Variants in WDR11 observed in about 807,000 individuals in gnomAD.
WDR11 encodes WD repeat-containing protein 11.
Under a neutral mutation model 151.2 loss-of-function variants are expected in WDR11, and 83 were observed. That is an observed-to-expected ratio of 0.55 (90% CI 0.46 to 0.66). WDR11 has a LOEUF of 0.66. Ranked by LOEUF, WDR11 falls within the 30% of genes least tolerant of loss-of-function variation. WDR11 has a pLI of 0.00. For synonymous variants in WDR11, 484 were observed against 533.1 expected, an observed-to-expected ratio of 0.91 and a Z score of 1.27; for missense variants, 1,301 against 1,480.9, an observed-to-expected ratio of 0.88 and a Z score of 1.99.
At chr10:120,871,407 AG>A (rs1846536243) in intron 10 of WDR11, 61 bp downstream of exon 10, 1 of 1,505,286 alleles carries the variant, frequency 6.6e-7, no homozygotes, top group Non-Finnish European at 9.2e-7. Flanking sequence ...TAGGTTTTCT[AG>A]TTTCTAGAAG....
At position 120,878,384 on chromosome 10, in the gene WDR11, C is replaced by G; in HGVS notation, c.1588C>G (p.Leu530Val). The G allele has an allele frequency of 1.9e-6, 3 of 1,612,992 alleles. No homozygotes were observed. Among genetic ancestry groups the G allele is most frequent in the Non-Finnish European group, 2.5e-6 (3 of 1,179,408 alleles). ...GIEWTSLTSF[L>V]SFATSTPNNM... The stretch of plus-strand genomic sequence containing the variant: ...TGAATGGACAAGTTTGACTAGTTTT[C>G]TTTCTTTTGCTACCTCAACACCAAA... The change falls in exon 12 of 29, where the codon CTT (leucine) becomes GTT (valine). Residue 530 changes from leucine (L) to valine (V), a missense_variant. Around this residue, in one of 3 missense-constraint regions of WDR11, gnomAD observed 692 missense variants for 762.5 expected, o/e 0.91. Transcript: ENST00000263461.
chr10:120,874,172 TGCA>T (rs1846648452), intron 11 of WDR11, among the ~76,000 whole-genome samples: 1 of 107,976 alleles, frequency 9.3e-6, no homozygotes, highest in Non-Finnish European at 1.9e-5. Context: ...TTGCGGTTTT[TGCA>T]GTTTTTTTTT....
In WDR11 at chr10:120,908,896, T is replaced by C. The variant is rs1037769864; in HGVS notation, c.*183T>C. The C allele has an allele frequency of 1.5e-6, 1 of 662,664 alleles. No homozygotes were observed. Among genetic ancestry groups the C allele is most frequent in the Non-Finnish European group, 2.6e-6 (1 of 377,986 alleles). 41.0% of individuals were successfully genotyped at this position (662,664 alleles called of 1,614,324 possible). On this transcript the variant is annotated 3_prime_UTR_variant, in exon 29 of 29. Transcript: ENST00000263461. ...CATCTATGTTGAGAGTAAGTTTGTATCCTGCGTTGGTCTCAGAAAGAACGT... is the reference window on the plus strand; with the variant it reads ...CATCTATGTTGAGAGTAAGTTTGTACCCTGCGTTGGTCTCAGAAAGAACGT...
At chr10:120,902,999 A>G (rs1009823736) in intron 22 of WDR11, 56 bp from the exon 23 acceptor site, 3 of 1,581,332 alleles carry the variant, frequency 1.9e-6, no homozygotes, top group East Asian at 4.5e-5. Flanking sequence ...TACTCTAGGA[A>G]GCCATCCAGG....
At chr10:120,899,138 A>C (rs1363751671) in intron 19 of WDR11, among the ~76,000 whole-genome samples, 1 of 152,130 alleles carries the variant, frequency 6.6e-6, no homozygotes, top group Admixed American at 6.5e-5. Context: ...ACATGTTGAC[A>C]ACTAGGCAAA....
rs766851006 is a variant in WDR11 at position 120,909,170 on chromosome 10, T to A, written c.*457T>A. 1.3e-4 allele frequency: 21 copies of A among 167,256 alleles called. No homozygotes were observed. Among genetic ancestry groups the A allele is most frequent in the Non-Finnish European group, 2.4e-4 (18 of 75,860 alleles). 10.4% of individuals were successfully genotyped at this position (167,256 alleles called of 1,614,324 possible). On this transcript the variant is annotated 3_prime_UTR_variant, in exon 29 of 29. Coordinates refer to ENST00000263461, the MANE Select transcript of WDR11 (RefSeq NM_018117.12). ...AGAGATACAAACAAGGCAGAAACAT[T>A]TAAACTAGTATTAAAGGTAGTTTAC...
Position 120,903,609 on chromosome 10 carries a change from T to TTTAA in WDR11, c.2931+378_2931+379insTAAT, listed in dbSNP as rs562854864. The stretch of plus-strand genomic sequence containing the variant: ...GAAAAGCTCATAGACAGTTACTGCG[T>TTTAA]TGTTTACTAAACATTAAAATTTTAT... On this transcript the variant is annotated intron_variant, in intron 23 of 28. Coordinates refer to ENST00000263461, the MANE Select transcript of WDR11 (RefSeq NM_018117.12). Among the ~76,000 whole-genome samples the TTTAA allele has an allele frequency of 3.3e-5, 5 of 152,296 alleles. No individual in the cohort carries two copies. The South Asian group carries it at 1.0e-3, about 32-fold the overall frequency.
At chr10:120,906,488 C>T in intron 27 of WDR11, 1 of 1,298,370 alleles carries the variant, frequency 7.7e-7, no homozygotes, top group Non-Finnish European at 9.8e-7. Flanking sequence ...GATTACTTGT[C>T]AACTCTGGAC....
intron 13 of WDR11, among the ~76,000 whole-genome samples, chr10:120,882,588 T>C (rs1486535708): frequency 1.3e-5 from 2 of 151,806 alleles, no homozygotes; most frequent in Non-Finnish European, 2.9e-5. Flanking sequence ...TTCTCTTTTT[T>C]TGAGCTTTGG....
intron 13 of WDR11, 28 bp from the exon 14 acceptor site, chr10:120,883,752 G>C (rs781292396): frequency 1.2e-6 from 2 of 1,607,392 alleles, no homozygotes; most frequent in Non-Finnish European, 1.7e-6. Flanking sequence ...GCAAAAAGGG[G>C]CTTATTTAGT....
intron 11 of WDR11, among the ~76,000 whole-genome samples, chr10:120,875,548 A>C (rs1287423884): frequency 6.6e-6 from 1 of 152,220 alleles, no homozygotes; most frequent in Non-Finnish European, 1.5e-5. Flanking sequence ...TCTGTCACCC[A>C]GGCTAGAGTG....
At chr10:120,908,475 C>A in intron 28 of WDR11, 81 bp from the exon 29 acceptor site, 1 of 1,487,416 alleles carries the variant, frequency 6.7e-7, no homozygotes, top group Non-Finnish European at 9.4e-7. Context: ...GCAGACGCGA[C>A]TCACCCTTCC....
chr10:120,900,628 A>T (rs1847779893), intron 20 of WDR11, among the ~76,000 whole-genome samples: 1 of 152,188 alleles, frequency 6.6e-6, no homozygotes, highest in African/African-American at 2.4e-5. Context: ...TGGAGGATTT[A>T]AAAATAATGC....
At chr10:120,889,360 C>T in intron 17 of WDR11, 176 bp downstream of exon 17, 1 of 565,726 alleles carries the variant, frequency 1.8e-6, no homozygotes, top group Non-Finnish European at 3.2e-6. Flanking sequence ...GCCTCAGCCA[C>T]CCGAGTAGCT....
intron 5 of WDR11, among the ~76,000 whole-genome samples, chr10:120,864,401 C>G (rs7092331): frequency 0.65 from 99,001 of 152,108 alleles, 33,065 homozygotes; most frequent in African/African-American, 0.81. Flanking sequence ...TAGAAAAGGT[C>G]ATTGAATGTA....
At chr10:120,894,448 A>C (rs548327785) in intron 19 of WDR11, among the ~76,000 whole-genome samples, 3 of 152,122 alleles carry the variant, frequency 2.0e-5, no homozygotes, top group Non-Finnish European at 4.4e-5. Flanking sequence ...TGGGGATGCT[A>C]AACAACCTGG....
rs1177120075 is a variant in WDR11 at position 120,886,702 on chromosome 10, G to A, written c.1987G>A (p.Ala663Thr). The change falls in exon 16 of 29, where the codon GCA becomes ACA. Residue 663 changes from alanine to threonine, a missense_variant. By Grantham distance (58) the Ala-to-Thr change is moderately conservative. Coordinates refer to ENST00000263461, the MANE Select transcript of WDR11 (RefSeq NM_018117.12). ...ESSVISLLQE[A>T]ESKSELSQNI... is the part of the protein sequence containing the mutation. ...ACTATCCCAAAGCTTGCTGCAGGAG[G>A]CAGAAAGTAAATCTGAACTTAGTCA... The A allele has an allele frequency of 5.0e-6, 8 of 1,613,744 alleles. No individual in the cohort carries two copies. Among genetic ancestry groups the A allele is most frequent in the Non-Finnish European group, 6.8e-6 (8 of 1,179,872 alleles).
At chr10:120,859,082 G>A (rs1292884909) in intron 3 of WDR11, among the ~76,000 whole-genome samples, 1 of 152,108 alleles carries the variant, frequency 6.6e-6, no homozygotes, top group Non-Finnish European at 1.5e-5. Context: ...GTACAATCTT[G>A]TAATCTAAGC....
At chr10:120,874,193 G>GTTTTTTTTTTTTT (rs1554854855) in intron 11 of WDR11, among the ~76,000 whole-genome samples, 1 of 75,332 alleles carries the variant, frequency 1.3e-5, no homozygotes. Flanking sequence ...TTTTTTTTTT[G>GTTTTTTTTTTTTT]TTGTTGTTGT....
Sources: allele counts gnomAD v4.1 joint callset (sites outside exome capture counted in the v4.1 genomes callset), GRCh38; gene constraint gnomAD v4.1.1; regional missense constraint gnomAD v4.1.1; transcripts MANE v1.5; gene names NCBI Gene and HGNC (gene_info 2026-07-23, HGNC 2026-07-21).